The following ZNF536 variants were observed in gnomAD, a reference collection of about 807,000 sequenced individuals.
ZNF536 encodes the protein zinc finger protein 536.
In ZNF536, 13 loss-of-function variants were observed where a neutral mutation model predicts 84.5. The observed-to-expected ratio is 0.15, with a 90% CI of 0.10 to 0.24. ZNF536 has a LOEUF of 0.24. Ranked by LOEUF, ZNF536 falls within the 10% of genes least tolerant of loss-of-function variation. ZNF536 has a pLI of 1.00. For missense variants in ZNF536, 1,536 were observed against 1,747.5 expected (o/e 0.88, Z 2.16); for synonymous variants, 811 against 742.5 (o/e 1.09, Z -1.50).
chr19:30,597,539 T>C (rs919753929), intron 1 of ZNF536, among the ~76,000 whole-genome samples: 8 of 152,166 alleles, frequency 5.3e-5, no homozygotes, highest in Admixed American at 6.5e-5. Flanking sequence ...CACGAAGGCA[T>C]AGTAGGGTTA....
chr19:30,343,168 C>G (rs1429319730), intron 2 of ZNF536, among the ~76,000 whole-genome samples: 1 of 152,190 alleles, frequency 6.6e-6, no homozygotes, highest in African/African-American at 2.4e-5. Context: ...AGTACCCCTT[C>G]CTAAGAAAGA....
chr19:30,474,841 G>A (rs1186625682), intron 2 of ZNF536, among the ~76,000 whole-genome samples: 3 of 151,994 alleles, frequency 2.0e-5, no homozygotes, highest in Non-Finnish European at 4.4e-5. Context: ...GAGAGTATAT[G>A]TTCTCTGTGA....
At chr19:30,628,179 C>G (rs1437032993) in intron 1 of ZNF536, among the ~76,000 whole-genome samples, 3 of 152,228 alleles carry the variant, frequency 2.0e-5, no homozygotes, top group African/African-American at 7.2e-5. Flanking sequence ...ATGATCCGAG[C>G]TGGCTGTGGG....
In ZNF536 at chr19:30,526,434, A is replaced by G. The variant is rs111351579; in HGVS notation, c.2171-8413A>G. Among the ~76,000 whole-genome samples, 279 of 125,904 alleles carry G rather than the reference A, an allele frequency of 2.2e-3. 4 individuals are homozygous for G. The highest frequency in any genetic ancestry group is 3.4e-3 in the Non-Finnish European group (171 of 50,096). The allele number at this position is 125,904 out of a possible 152,430, so 82.6% of individuals were successfully genotyped here. A position where few individuals can be genotyped will look rare whatever the true frequency, so the allele number is the denominator to read the frequency against. On this transcript the variant is annotated intron_variant, in intron 2 of 4. Coordinates refer to ENST00000355537, the MANE Select transcript of ZNF536 (RefSeq NM_014717.3). ...ACAGACTCCACCAACAATTAAGAAC[A>G]GGTTCAGGGGCCGGGCGCGGTGGCT... is the stretch of plus-strand genomic sequence containing the variant.
At chr19:30,410,635 C>T (rs950765425) in intron 1 of ZNF536, among the ~76,000 whole-genome samples, 6 of 152,076 alleles carry the variant, frequency 3.9e-5, no homozygotes, top group African/African-American at 1.2e-4. Flanking sequence ...CCACCACGCC[C>T]GGCTAATTTT....
At chr19:30,623,021 T>C (rs28406427) in intron 1 of ZNF536, among the ~76,000 whole-genome samples, 1,019 of 36,286 alleles carry the variant, frequency 0.028, 14 homozygotes, top group African/African-American at 0.096. Flanking sequence ...AAATCTTGTG[T>C]TTTTTTTTTT....
At chr19:30,650,337 T>C (rs188722369) in intron 1 of ZNF536, among the ~76,000 whole-genome samples, 1 of 152,306 alleles carries the variant, frequency 6.6e-6, no homozygotes, top group African/African-American at 2.4e-5. Context: ...TTGGTGACCA[T>C]ATGAAGCTCT....
intron 2 of ZNF536, among the ~76,000 whole-genome samples, chr19:30,284,706 C>T (rs1325560427): frequency 1.3e-5 from 2 of 152,168 alleles, no homozygotes; most frequent in Non-Finnish European, 2.9e-5. Context: ...TCTTTGGTGG[C>T]CTCATCTGAG....
intron 2 of ZNF536, among the ~76,000 whole-genome samples, chr19:30,523,765 G>T (rs572153681): frequency 1.3e-5 from 2 of 152,170 alleles, no homozygotes; most frequent in Non-Finnish European, 2.9e-5. Flanking sequence ...GGAGTGCCAA[G>T]GGTCTCTGGA....
intron 1 of ZNF536, among the ~76,000 whole-genome samples, chr19:30,428,702 C>A (rs191731730): frequency 6.6e-6 from 1 of 152,266 alleles, no homozygotes; most frequent in East Asian, 1.9e-4. Context: ...ATATCAAGAC[C>A]CTGGTGAGAT....
chr19:30,523,468 G>A (rs2044448922), intron 2 of ZNF536, among the ~76,000 whole-genome samples: 1 of 152,116 alleles, frequency 6.6e-6, no homozygotes. Context: ...GGGGAACTTG[G>A]TTTTGACCTG....
At chr19:30,405,118 C>T (rs541002708) in intron 1 of ZNF536, among the ~76,000 whole-genome samples, 3 of 152,258 alleles carry the variant, frequency 2.0e-5, no homozygotes, top group South Asian at 2.1e-4. Context: ...TCAGCTATCC[C>T]GAAGCTCCCA....
In ZNF536 at chr19:30,658,741, A is replaced by G. The variant is rs192548547; in HGVS notation, c.170-52016A>G. 4.6e-5 allele frequency among the ~76,000 whole-genome samples: 7 copies of G among 152,098 alleles called. No individual in the cohort carries two copies. The East Asian group carries it at 1.4e-3, about 30-fold the overall frequency. On this transcript the variant is annotated intron_variant, in intron 1 of 1. Coordinates refer to the ZNF536 transcript ENST00000592773. ...TTTTTTTTTCTGGTCTGACTCTCCC[A>G]CCGAATTGAAAACTCTAACCAGTCA... is the stretch of plus-strand genomic sequence containing the variant.
intron 2 of ZNF536, among the ~76,000 whole-genome samples, chr19:30,525,712 A>T (rs2044546235): frequency 6.6e-6 from 1 of 152,208 alleles, no homozygotes; most frequent in African/African-American, 2.4e-5. Flanking sequence ...GAAAGTTAGA[A>T]GAGCATTCTA....
At chr19:30,276,133 G>A (rs948060060) in intron 1 of ZNF536, among the ~76,000 whole-genome samples, 5 of 152,140 alleles carry the variant, frequency 3.3e-5, no homozygotes, top group African/African-American at 1.2e-4. Context: ...GGAGCTCTTG[G>A]TGGCTGTGGG....
At chr19:30,404,019 C>CTTTTTTTTTTTTTTTTTTTTTTTTT (rs11336660) in intron 1 of ZNF536, among the ~76,000 whole-genome samples, 1 of 123,372 alleles carries the variant, frequency 8.1e-6, no homozygotes, top group Admixed American at 8.4e-5. Flanking sequence ...TTCCTTTCCT[C>CTTTTTTTTTTTTTTTTTTTTTTTTT]TTTTTTTTTT....
At chr19:30,436,693 G>A (rs1246917624) in intron 1 of ZNF536, among the ~76,000 whole-genome samples, 1 of 152,164 alleles carries the variant, frequency 6.6e-6, no homozygotes, top group African/African-American at 2.4e-5. Context: ...TATTTAATAC[G>A]AAGCCATTGT....
chr19:30,243,037 A>C (rs930317542), intron 1 of ZNF536, among the ~76,000 whole-genome samples: 3 of 152,344 alleles, frequency 2.0e-5, no homozygotes, highest in African/African-American at 7.2e-5. Flanking sequence ...TAAATGACTC[A>C]ATAGAAAAAT....
intron 1 of ZNF536, among the ~76,000 whole-genome samples, chr19:30,654,036 C>A (rs950646040): frequency 3.3e-5 from 5 of 152,188 alleles, no homozygotes; most frequent in Admixed American, 2.6e-4. Context: ...CTCTCTAGTT[C>A]TCACAAGCAA....
Sources: allele counts gnomAD v4.1 joint callset (sites outside exome capture counted in the v4.1 genomes callset), GRCh38; gene constraint gnomAD v4.1.1; transcripts MANE v1.5; gene names NCBI Gene and HGNC (gene_info 2026-07-23, HGNC 2026-07-21).